ITPR2: variants seen among roughly 807,000 people sequenced by gnomAD.
ITPR2 encodes inositol 1,4,5-trisphosphate-gated calcium channel ITPR2.
Under a neutral mutation model 317.1 loss-of-function variants are expected in ITPR2, and 207 were observed. The observed-to-expected ratio is 0.65, with a 90% confidence interval of 0.58 to 0.73. The LOEUF (loss-of-function observed/expected upper bound fraction) is 0.73, where lower values mean the gene tolerates loss of function less well. ITPR2 is among the 30% of genes least tolerant of loss of function. The pLI, the probability that ITPR2 is intolerant of heterozygous loss-of-function variation, is 0.00. For missense variants in ITPR2, 2,613 were observed against 3,284.0 expected (o/e 0.80, Z 4.99); for synonymous variants, 1,156 against 1,149.1 (o/e 1.01, Z -0.12).
intron 55 of ITPR2, among the ~76,000 whole-genome samples, chr12:26,371,531 G>A (rs189943388): frequency 2.4e-4 from 37 of 152,312 alleles, no homozygotes; most frequent in African/African-American, 8.4e-4. Context: ...AGACTATGAC[G>A]AAGTGCTCTT....
At chr12:26,734,815 T>C (rs1360620333) in intron 2 of ITPR2, among the ~76,000 whole-genome samples, 1 of 152,164 alleles carries the variant, frequency 6.6e-6, no homozygotes, top group Non-Finnish European at 1.5e-5. Flanking sequence ...GATTTATTCA[T>C]AATAACAAAA....
chr12:26,389,266 G>A (rs1406514578), intron 54 of ITPR2, among the ~76,000 whole-genome samples: 1 of 152,118 alleles, frequency 6.6e-6, no homozygotes, highest in African/African-American at 2.4e-5. Flanking sequence ...TCAAGATAAA[G>A]GTCAAAGTCC....
At chr12:26,423,483 T>G (rs1422157367) in intron 49 of ITPR2, among the ~76,000 whole-genome samples, 2 of 152,166 alleles carry the variant, frequency 1.3e-5, no homozygotes, top group Non-Finnish European at 2.9e-5. Context: ...TTCCAGGTAC[T>G]ATTAGAAAGG....
chr12:26,425,686 C>T (rs529800062), intron 49 of ITPR2, among the ~76,000 whole-genome samples: 4 of 137,462 alleles, frequency 2.9e-5, no homozygotes, highest in Non-Finnish European at 6.3e-5. Flanking sequence ...AAAAAAAAAA[C>T]GCTCTGAGCT....
chr12:26,465,034 G>C (rs1201082951), intron 45 of ITPR2, among the ~76,000 whole-genome samples: 1 of 152,226 alleles, frequency 6.6e-6, no homozygotes, highest in Non-Finnish European at 1.5e-5. Flanking sequence ...CTGAAGATGT[G>C]CATTTGGAAT....
chr12:26,678,723 G>A (rs1312391879), intron 13 of ITPR2, among the ~76,000 whole-genome samples: 4 of 152,070 alleles, frequency 2.6e-5, no homozygotes, highest in Admixed American at 6.5e-5. Flanking sequence ...TTAATACAAC[G>A]TTTTTCACTC....
chr12:26,764,524 A>T (rs779505113), intron 2 of ITPR2, among the ~76,000 whole-genome samples: 4 of 152,090 alleles, frequency 2.6e-5, no homozygotes, highest in Non-Finnish European at 4.4e-5. Context: ...CAACAACAAG[A>T]AAATAAACAA....
intron 54 of ITPR2, among the ~76,000 whole-genome samples, chr12:26,392,539 G>A (rs1939882179): frequency 6.6e-6 from 1 of 152,090 alleles, no homozygotes; most frequent in Non-Finnish European, 1.5e-5. Context: ...CCATTTTACT[G>A]TCTGACTCAT....
At chr12:26,451,267 T>G (rs1941734315) in intron 45 of ITPR2, among the ~76,000 whole-genome samples, 1 of 151,486 alleles carries the variant, frequency 6.6e-6, no homozygotes, top group Non-Finnish European at 1.5e-5. Flanking sequence ...GACTCTTGAG[T>G]ACCCTGCAAG....
intron 55 of ITPR2, among the ~76,000 whole-genome samples, chr12:26,379,109 C>G (rs748979254): frequency 6.6e-6 from 1 of 152,188 alleles, no homozygotes; most frequent in Non-Finnish European, 1.5e-5. Context: ...TTGCATGCAC[C>G]TGGCACATTA....
chr12:26,819,967 A>G (rs1950914972), intron 1 of ITPR2, among the ~76,000 whole-genome samples: 1 of 152,150 alleles, frequency 6.6e-6, no homozygotes, highest in South Asian at 2.1e-4. Context: ...GCTACTCCAG[A>G]GGCTGAGGCA....
At chr12:26,811,411 C>A (rs1401568723) in intron 1 of ITPR2, among the ~76,000 whole-genome samples, 1 of 151,502 alleles carries the variant, frequency 6.6e-6, no homozygotes, top group African/African-American at 2.4e-5. Context: ...GAGATCGAGA[C>A]CATCCTGGCT....
At chr12:26,806,491 G>GTA (rs1238985718) in intron 1 of ITPR2, among the ~76,000 whole-genome samples, 1 of 151,992 alleles carries the variant, frequency 6.6e-6, no homozygotes, top group Non-Finnish European at 1.5e-5. Context: ...TTTTAAACAA[G>GTA]TATAACTGAC....
At chr12:26,738,833 G>C (rs1949177257) in intron 2 of ITPR2, among the ~76,000 whole-genome samples, 1 of 152,060 alleles carries the variant, frequency 6.6e-6, no homozygotes, top group South Asian at 2.1e-4. Context: ...CTTTGGATAA[G>C]ATTAGGTCTT....
At chr12:26,694,182 G>A (rs1053709527) in intron 10 of ITPR2, among the ~76,000 whole-genome samples, 1 of 152,188 alleles carries the variant, frequency 6.6e-6, no homozygotes, top group Non-Finnish European at 1.5e-5. Flanking sequence ...AATGTCATCA[G>A]ACAAGGCCAC....
rs780115018 is a variant in ITPR2 at position 26,656,310 on chromosome 12, T to A, written c.2431A>T (p.Ile811Phe). 6.2e-7 allele frequency: 1 copy of A among 1,614,144 alleles called. No homozygotes were observed. Among genetic ancestry groups the A allele is most frequent in the Non-Finnish European group, 8.5e-7 (1 of 1,180,022 alleles). The change falls in exon 19 of 57, where the codon ATC becomes TTC. Residue 811 changes from isoleucine (I) to phenylalanine (F), a missense_variant. Coordinates refer to ENST00000381340, the MANE Select transcript of ITPR2 (RefSeq NM_002223.4). Reference protein sequence around the residue: ...ARLWTEIPTKITIHEYDSITD... With the variant: ...ARLWTEIPTKFTIHEYDSITD... ...TTCCAAACATACTCATGAATTGTGA[T>A]CTTTGTGGGGATTTCTGTCCAGAGC... is the stretch of plus-strand genomic sequence containing the variant.
At chr12:26,627,210 C>T (rs1023620427) in intron 23 of ITPR2, 2 of 152,198 alleles carry the variant, frequency 1.3e-5, no homozygotes, top group Non-Finnish European at 2.9e-5. Flanking sequence ...GGGAATGCCA[C>T]GTCTTTATTC....
chr12:26,484,785 C>T (rs1037598523), intron 41 of ITPR2, among the ~76,000 whole-genome samples: 1 of 152,160 alleles, frequency 6.6e-6, no homozygotes, highest in African/African-American at 2.4e-5. Flanking sequence ...CATCTCCGCT[C>T]ACTGCAAGCT....
intron 55 of ITPR2, among the ~76,000 whole-genome samples, chr12:26,377,686 G>A (rs918585930): frequency 1.3e-5 from 2 of 152,114 alleles, no homozygotes; most frequent in Non-Finnish European, 2.9e-5. Flanking sequence ...CATAGACATC[G>A]GTCCCAGGAA....
Sources: allele counts gnomAD v4.1 joint callset (sites outside exome capture counted in the v4.1 genomes callset), GRCh38; gene constraint gnomAD v4.1.1; transcripts MANE v1.5; gene names NCBI Gene and HGNC (gene_info 2026-07-23, HGNC 2026-07-21).